The following PLEKHG6 variants were observed in gnomAD, a reference collection of about 807,000 sequenced individuals.
PLEKHG6 encodes pleckstrin homology domain-containing family G member 6.
In PLEKHG6, 91 loss-of-function variants were observed where a neutral mutation model predicts 97.5. The ratio of observed to expected loss-of-function variants is 0.93; its 90% confidence interval spans 0.79 to 1.11. The LOEUF (loss-of-function observed/expected upper bound fraction) is 1.11, where lower values mean the gene tolerates loss of function less well. Ranked by LOEUF, PLEKHG6 falls within the 50% of genes most tolerant of loss-of-function variation. The pLI is 0.00. For missense variants in PLEKHG6, 1,044 were observed against 1,031.0 expected (o/e 1.01, Z -0.17); for synonymous variants, 466 against 425.5 (o/e 1.10, Z -1.17).
chr12:6,313,858 CT>C (rs1242489489), intron 3 of PLEKHG6, 74 bp downstream of exon 3: 5 of 1,394,062 alleles, frequency 3.6e-6, no homozygotes, highest in Non-Finnish European at 4.8e-6. Flanking sequence ...GACCAGCAAG[CT>C]CCGGGAGCTG....
intron 2 of PLEKHG6, chr12:6,312,630 C>T: frequency 7.9e-6 from 10 of 1,269,550 alleles, no homozygotes; most frequent in Non-Finnish European, 9.9e-6. Flanking sequence ...AGGTCTCAGA[C>T]AAAGAGCTGC....
chr12:6,327,507 C>G lies in PLEKHG6; in HGVS notation c.1924C>G (p.Gln642Glu), dbSNP rs200540933. 1 of 1,605,778 alleles carries G rather than the reference C, an allele frequency of 6.2e-7. No homozygotes were observed. ...RPHPPDPQAP[Q>E]RRSAPELPEG... ...CCACCCTCCCGACCCCCAAGCTCCT[C>G]AACGCCGAAGCGCCCCCGAACTGCC... The change falls in exon 15 of 16, where the codon CAA becomes GAA. Residue 642 changes from glutamine to glutamate, a missense_variant. Transcript: ENST00000684764.
rs1423821119 is a variant in PLEKHG6 at position 6,312,164 on chromosome 12, G to A, written c.-63G>A. On this transcript the variant is annotated 5_prime_UTR_variant, in exon 2 of 16. Transcript: ENST00000684764. ...TCCTCTTTTCTCTCTTGCAGCCCTA[G>A]GGGACCTCTTTCTCCTGGACATTGA... 1 of 1,374,180 alleles carries A rather than the reference G, an allele frequency of 7.3e-7. No individual in the cohort carries two copies. Among genetic ancestry groups the A allele is most frequent in the Non-Finnish European group, 9.6e-7 (1 of 1,042,284 alleles). 85.1% of individuals were successfully genotyped at this position (1,374,180 alleles called of 1,614,324 possible).
intron 13 of PLEKHG6, chr12:6,319,621 G>A (rs1947634168): frequency 6.5e-7 from 1 of 1,535,894 alleles, no homozygotes; most frequent in Admixed American, 2.0e-5. Context: ...AAAGCCTTTG[G>A]CCAGCTACTG....
Position 6,317,669 on chromosome 12 carries a change from A to G in PLEKHG6, c.990A>G (p.Ala330=). Residue 330 remains alanine (A), a synonymous_variant, in exon 9 of 16, where the codon GCA becomes GCG. Transcript: ENST00000684764. Reference sequence around the variant, plus strand: ...CTGTGCTCAAGAGGAGCCCCGAGGCACGAGCCCAAGAGGCCCTGAATGCCA... The same window carrying G: ...CTGTGCTCAAGAGGAGCCCCGAGGCGCGAGCCCAAGAGGCCCTGAATGCCA... ...LHAVLKRSPE[A]RAQEALNAMI... is the part of the protein sequence containing the mutation. 2 of 1,613,892 alleles carry G rather than the reference A, an allele frequency of 1.2e-6. No homozygotes were observed. Among genetic ancestry groups the G allele is most frequent in the Non-Finnish European group, 1.7e-6 (2 of 1,180,028 alleles).
In PLEKHG6 at chr12:6,314,858, T is replaced by C. The variant is rs1947398358; in HGVS notation, c.295-147T>C. The C allele has an allele frequency of 1.4e-5, 10 of 716,666 alleles. No individual in the cohort carries two copies. In the South Asian group the frequency reaches 1.7e-4, roughly 12 times the overall value. 44.4% of individuals were successfully genotyped at this position (716,666 alleles called of 1,614,324 possible). A position where few individuals can be genotyped will look rare whatever the true frequency, so the allele number is the denominator to read the frequency against. On this transcript the variant is annotated intron_variant, in intron 3 of 15. Transcript: ENST00000684764. The stretch of plus-strand genomic sequence containing the variant: ...CTCTAGGCCTCCATGTCCCCACTCA[T>C]ACTCAGTGCTGCTTGCCATCTCCCA...
chr12:6,316,226 G>A lies in PLEKHG6; in HGVS notation c.607-29G>A, dbSNP rs929269540. The A allele has an allele frequency of 7.2e-6, 11 of 1,528,822 alleles. No individual in the cohort carries two copies. The African/African-American group carries it at 1.2e-4, about 17-fold the overall frequency. The allele number at this position is 1,528,822 out of a possible 1,614,324, so 94.7% of individuals were successfully genotyped here. A position where few individuals can be genotyped will look rare whatever the true frequency, so the allele number is the denominator to read the frequency against. On this transcript the variant is annotated intron_variant, in intron 6 of 15. Transcript: ENST00000684764. This position sits in a 1 kb window ranked among gnomAD's most constrained non-coding sequence, Gnocchi z 4.1. ...CCACCCCTGGGGACCTTCCAAAAGT[G>A]TGCTGCTCAGCTCTGCTCCCTCCTC... is the stretch of plus-strand genomic sequence containing the variant.
Position 6,318,372 on chromosome 12 carries a change from G to T in PLEKHG6, c.1227G>T (p.Gln409His). Residue 409 changes from glutamine (Q) to histidine (H), a missense_variant, in exon 11 of 16, where the codon CAG becomes CAT. Gln to His is a conservative substitution (Grantham distance 24). Transcript: ENST00000684764. ...GGGTTGCATCTGAGCACACCAGACA[G>T]CTGCTGCTGGAGGGGCCTGTGCGAG... ...MLGVASEHTR[Q>H]LLLEGPVRVK... is the part of the protein sequence containing the mutation. 2 of 1,613,134 alleles carry T rather than the reference G, an allele frequency of 1.2e-6. No individual in the cohort carries two copies. The highest frequency in any genetic ancestry group is 1.7e-6 in the Non-Finnish European group (2 of 1,179,668).
chr12:6,325,781 A>G (rs1005676647), intron 13 of PLEKHG6, among the ~76,000 whole-genome samples: 4 of 152,206 alleles, frequency 2.6e-5, no homozygotes, highest in African/African-American at 9.6e-5. Context: ...AGGTCTGCCA[A>G]TGGGACATGA....
intron 2 of PLEKHG6, chr12:6,312,950 C>A: frequency 7.0e-7 from 1 of 1,421,208 alleles, no homozygotes; most frequent in South Asian, 1.5e-5. Context: ...CTGGGACATC[C>A]CCTGCCTCAA....
chr12:6,311,632 A>AG (rs774344228), intron 1 of PLEKHG6, among the ~76,000 whole-genome samples: 24 of 152,224 alleles, frequency 1.6e-4, no homozygotes, highest in African/African-American at 3.9e-4. Flanking sequence ...GCTTTTTTGC[A>AG]GGGGGGGCAG....
intron 13 of PLEKHG6, among the ~76,000 whole-genome samples, chr12:6,322,055 G>A (rs977780161): frequency 2.0e-5 from 3 of 152,078 alleles, no homozygotes; most frequent in African/African-American, 7.2e-5. Context: ...GCTGTCATTC[G>A]GCTTAGGCAC....
intron 13 of PLEKHG6, chr12:6,319,499 G>A (rs746856975): frequency 5.6e-5 from 82 of 1,471,656 alleles, no homozygotes; most frequent in Non-Finnish European, 6.7e-5. Context: ...AATGAACATG[G>A]GAGCGCAGAG....
chr12:6,326,640 C>A, intron 14 of PLEKHG6, 67 bp downstream of exon 14: 1 of 1,327,976 alleles, frequency 7.5e-7, no homozygotes, highest in Non-Finnish European at 9.9e-7. Flanking sequence ...TGAGAAATGG[C>A]ATTACTGCAC....
chr12:6,313,769 C>A lies in PLEKHG6; in HGVS notation c.279C>A (p.His93Gln). The A allele has an allele frequency of 6.3e-7, 1 of 1,583,376 alleles. No individual in the cohort carries two copies. Among genetic ancestry groups the A allele is most frequent in the Non-Finnish European group, 8.6e-7 (1 of 1,165,224 alleles). Residue 93 changes from histidine to glutamine, a missense_variant, in exon 3 of 16, where the codon CAC (histidine) becomes CAA (glutamine). Physicochemically the swap from His to Gln is conservative, Grantham distance 24. Transcript: ENST00000684764. ...GCCATGTGGGGGCTGGCCTGCTTCA[C>A]TCCCCCAAACTCAAGGTAAGGGGGT... The part of the protein sequence containing the change: ...HGGHVGAGLL[H>Q]SPKLKELTKA...
chr12:6,322,162 G>A (rs988507617), intron 13 of PLEKHG6, among the ~76,000 whole-genome samples: 1 of 152,204 alleles, frequency 6.6e-6, no homozygotes, highest in East Asian at 1.9e-4. Context: ...TTGGAACACT[G>A]CATTGGCAAT....
rs759154338 is a variant in PLEKHG6 at position 6,319,018 on chromosome 12, TGA to T, written c.1435_1436del (p.Glu479IlefsTer81). ...PNSFLLIHLTEFQCVSSALLV... is the reference protein window; with the variant it reads ...PNSFLLIHLTXFQCVSSALLV... ...ACAGCTTCCTGCTGATCCACCTCACTGAATTCCAGTGTGTCTCCAGCGCCCTC... is the reference window on the plus strand; with the variant it reads ...ACAGCTTCCTGCTGATCCACCTCACTATTCCAGTGTGTCTCCAGCGCCCTC... On this transcript the variant is annotated frameshift_variant, in exon 13 of 16. Coordinates refer to ENST00000684764, the MANE Select transcript of PLEKHG6 (RefSeq NM_001384598.1). LOFTEE classifies it high-confidence loss of function. 6.2e-7 allele frequency: 1 copy of T among 1,614,052 alleles called. No individual in the cohort carries two copies. The highest frequency in any genetic ancestry group is 2.2e-5 in the East Asian group (1 of 44,880).
At chr12:6,323,554 T>TG (rs956925825) in intron 13 of PLEKHG6, among the ~76,000 whole-genome samples, 1 of 152,136 alleles carries the variant, frequency 6.6e-6, no homozygotes, top group Non-Finnish European at 1.5e-5. Context: ...GACTGAATCT[T>TG]GGGGAATGCC....
chr12:6,327,102 C>G, intron 14 of PLEKHG6, 152 bp from the exon 15 acceptor site: 2 of 606,208 alleles, frequency 3.3e-6, no homozygotes, highest in Non-Finnish European at 5.9e-6. Context: ...TAAAATCTAG[C>G]CAGCCAGATG....
Sources: allele counts gnomAD v4.1 joint callset (sites outside exome capture counted in the v4.1 genomes callset), GRCh38; gene constraint gnomAD v4.1.1; non-coding constraint Gnocchi (gnomAD v3.1); transcripts MANE v1.5; gene names NCBI Gene and HGNC (gene_info 2026-07-23, HGNC 2026-07-21).